The following PXDNL variants were observed in gnomAD, a reference collection of about 807,000 sequenced individuals.
PXDNL encodes probable oxidoreductase PXDNL.
Under a neutral mutation model 150.8 loss-of-function variants are expected in PXDNL, and 145 were observed. That is an observed-to-expected ratio of 0.96 (90% CI 0.84 to 1.10). The LOEUF (loss-of-function observed/expected upper bound fraction) is 1.10, where lower values mean the gene tolerates loss of function less well. Among genes scored for constraint, PXDNL ranks in the 50% least tolerant of loss-of-function variants. PXDNL has a pLI of 0.00. For synonymous variants in PXDNL, 757 were observed against 725.7 expected (o/e 1.04, Z -0.69); for missense variants, 2,087 against 1,873.9 (o/e 1.11, Z -2.10).
chr8:51,357,818 G>C (rs770034435), intron 19 of PXDNL, among the ~76,000 whole-genome samples: 28 of 152,134 alleles, frequency 1.8e-4, no homozygotes, highest in Non-Finnish European at 3.5e-4. Context: ...TAACAGATTG[G>C]ACAATTCTGT....
intron 17 of PXDNL, among the ~76,000 whole-genome samples, chr8:51,380,924 A>G (rs1807513083): frequency 6.6e-6 from 1 of 152,148 alleles, no homozygotes; most frequent in Non-Finnish European, 1.5e-5. Flanking sequence ...CTTATGTCCT[A>G]AATTATATCA....
intron 20 of PXDNL, among the ~76,000 whole-genome samples, chr8:51,344,137 T>C (rs116112942): frequency 0.03 from 4,491 of 152,188 alleles, 210 homozygotes; most frequent in African/African-American, 0.1. Context: ...GACAGTCTCG[T>C]TCTATCACTC....
chr8:51,635,493 T>C (rs1038266634), intron 2 of PXDNL, among the ~76,000 whole-genome samples: 4 of 151,852 alleles, frequency 2.6e-5, no homozygotes, highest in African/African-American at 9.7e-5. Flanking sequence ...AGGCTAACCA[T>C]GAAAGCAAGA....
intron 5 of PXDNL, among the ~76,000 whole-genome samples, chr8:51,492,395 G>A (rs1373845842): frequency 6.6e-6 from 1 of 152,102 alleles, no homozygotes; most frequent in East Asian, 1.9e-4. Flanking sequence ...TCCAACTGAG[G>A]TACCGGGTTC....
At chr8:51,608,690 A>G (rs1469256422) in intron 2 of PXDNL, among the ~76,000 whole-genome samples, 1 of 150,814 alleles carries the variant, frequency 6.6e-6, no homozygotes, top group African/African-American at 2.5e-5. Context: ...ACAAAAAATT[A>G]GCCGGGCGTG....
intron 1 of PXDNL, among the ~76,000 whole-genome samples, chr8:51,749,221 C>T (rs1437620201): frequency 6.6e-6 from 1 of 152,160 alleles, no homozygotes; most frequent in Admixed American, 6.5e-5. Flanking sequence ...AAGCTACATC[C>T]TACGACACTC....
At chr8:51,781,744 A>G (rs560893166) in intron 1 of PXDNL, among the ~76,000 whole-genome samples, 5 of 152,310 alleles carry the variant, frequency 3.3e-5, no homozygotes, top group African/African-American at 1.2e-4. Flanking sequence ...GGTGCCTGAT[A>G]TCTGCTGCTC....
At chr8:51,524,707 C>G (rs1232801823) in intron 4 of PXDNL, among the ~76,000 whole-genome samples, 1 of 152,040 alleles carries the variant, frequency 6.6e-6, no homozygotes, top group Non-Finnish European at 1.5e-5. Flanking sequence ...ATCTTTTGAA[C>G]AGTTTGAATG....
At chr8:51,349,465 A>G (rs1234439163) in intron 19 of PXDNL, among the ~76,000 whole-genome samples, 1 of 152,170 alleles carries the variant, frequency 6.6e-6, no homozygotes, top group Non-Finnish European at 1.5e-5. Context: ...GAGCAAGTCG[A>G]ATGTAAACTC....
At chr8:51,805,178 G>T (rs1056276797) in intron 1 of PXDNL, among the ~76,000 whole-genome samples, 4 of 151,762 alleles carry the variant, frequency 2.6e-5, no homozygotes, top group African/African-American at 9.7e-5. Context: ...GTGGGGGAAG[G>T]TCCAAAAAGT....
chr8:51,651,998 T>C (rs1815050589), intron 2 of PXDNL, among the ~76,000 whole-genome samples: 1 of 152,214 alleles, frequency 6.6e-6, no homozygotes, highest in Non-Finnish European at 1.5e-5. Context: ...AAGCTCTGTT[T>C]AATACAAAAA....
chr8:51,524,025 G>A (rs1226421012), intron 4 of PXDNL, among the ~76,000 whole-genome samples: 4 of 152,164 alleles, frequency 2.6e-5, no homozygotes, highest in Non-Finnish European at 5.9e-5. Context: ...TGTAACTGGG[G>A]CCTCTGCAGC....
intron 1 of PXDNL, among the ~76,000 whole-genome samples, chr8:51,726,600 C>T (rs187546147): frequency 1.9e-4 from 29 of 152,326 alleles, no homozygotes; most frequent in Non-Finnish European, 3.1e-4. Flanking sequence ...CTGAACTATT[C>T]TTTAACTCAC....
At chr8:51,382,658 G>C (rs950594950) in intron 17 of PXDNL, among the ~76,000 whole-genome samples, 7 of 151,888 alleles carry the variant, frequency 4.6e-5, no homozygotes, top group Admixed American at 6.6e-5. Context: ...AAGGTACAGA[G>C]ACTTATCATA....
chr8:51,334,257 A>G (rs1361090751), intron 21 of PXDNL, among the ~76,000 whole-genome samples: 1 of 152,198 alleles, frequency 6.6e-6, no homozygotes, highest in East Asian at 1.9e-4. Context: ...AAATTAAAAA[A>G]TTCTTCAAAC....
At chr8:51,324,434 T>C (rs1305230344) in intron 21 of PXDNL, among the ~76,000 whole-genome samples, 2 of 152,236 alleles carry the variant, frequency 1.3e-5, no homozygotes, top group Non-Finnish European at 2.9e-5. Flanking sequence ...GTTTCTCTTT[T>C]GCTGCTTTCA....
In PXDNL at chr8:51,339,374, C is replaced by A. The variant is rs563829587; in HGVS notation, c.4146+250G>T. On this transcript the variant is annotated intron_variant, in intron 21 of 22. Coordinates refer to ENST00000356297, the MANE Select transcript of PXDNL (RefSeq NM_144651.5). ...ACTTGGGAGGCTGAGGCAGAAGAAT[C>A]ACTTGAACCCAAGAGGTGGAGGCTC... Among the ~76,000 whole-genome samples the A allele has an allele frequency of 6.6e-5, 10 of 152,256 alleles. No homozygotes were observed. The South Asian group carries it at 2.1e-3, about 32-fold the overall frequency.
chr8:51,782,240 C>T (rs2037422414), intron 1 of PXDNL, among the ~76,000 whole-genome samples: 2 of 152,106 alleles, frequency 1.3e-5, no homozygotes, highest in Admixed American at 6.5e-5. Flanking sequence ...TCAGAGATGC[C>T]TTGGGCTTCC....
Position 51,809,440 on chromosome 8 carries a change from T to C in PXDNL, c.-96A>G. The C allele has an allele frequency of 3.1e-6, 4 of 1,270,362 alleles. No individual in the cohort carries two copies. Among genetic ancestry groups the C allele is most frequent in the Non-Finnish European group, 2.1e-6 (2 of 950,802 alleles). The allele number at this position is 1,270,362 out of a possible 1,614,324, so 78.7% of individuals were successfully genotyped here. A position where few individuals can be genotyped will look rare whatever the true frequency, so the allele number is the denominator to read the frequency against. ...CCGCAGTGGTGGTGATGGTGGCTGCTGGACTGAGCCAAGTTTGGGAGCCGT... is the reference window on the plus strand; with the variant it reads ...CCGCAGTGGTGGTGATGGTGGCTGCCGGACTGAGCCAAGTTTGGGAGCCGT... On this transcript the variant is annotated 5_prime_UTR_variant, in exon 1 of 23. Transcript: ENST00000356297.
Sources: allele counts gnomAD v4.1 joint callset (sites outside exome capture counted in the v4.1 genomes callset), GRCh38; gene constraint gnomAD v4.1.1; transcripts MANE v1.5; gene names NCBI Gene and HGNC (gene_info 2026-07-23, HGNC 2026-07-21).